CABP4: variants seen among roughly 807,000 people sequenced by gnomAD.
CABP4 encodes calcium-binding protein 4.
A neutral mutation model predicts 30.7 loss-of-function variants in CABP4; 30 were observed. The observed-to-expected ratio is 0.98, with a 90% confidence interval of 0.73 to 1.33. The LOEUF (loss-of-function observed/expected upper bound fraction) is 1.33. Among genes scored for constraint, CABP4 ranks in the 40% most tolerant of loss-of-function variants. The pLI is 0.00. For synonymous variants in CABP4, 161 were observed against 159.2 expected, an observed-to-expected ratio of 1.01 and a Z score of -0.08; for missense variants, 424 against 395.5, an observed-to-expected ratio of 1.07 and a Z score of -0.61.
In CABP4 at chr11:67,455,630, C is replaced by T. The variant is rs1168807103; in HGVS notation, c.207C>T (p.Ser69=). 1.2e-6 allele frequency: 2 copies of T among 1,609,272 alleles called. No individual in the cohort carries two copies. The highest frequency in any genetic ancestry group is 1.7e-5 in the Admixed American group (1 of 59,690). Residue 69 remains serine (S), a synonymous_variant, in exon 1 of 6, where the codon AGC becomes AGT. Coordinates refer to ENST00000325656, the MANE Select transcript of CABP4 (RefSeq NM_145200.5). ...AGACAGGCCCCGAGGCCCCGGGGAG[C>T]AGCAATAACCCTCCCAGCACTGGAG... ...GEQTGPEAPG[S]SNNPPSTGEG...
chr11:67,454,664 G>T (rs913307389), upstream of CABP4, among the ~76,000 whole-genome samples: 1 of 152,188 alleles, frequency 6.6e-6, no homozygotes, highest in African/African-American at 2.4e-5. Flanking sequence ...GGGGCTGCTT[G>T]CTGGGAAACC....
At position 67,456,443 on chromosome 11, in the gene CABP4, G is replaced by C; in HGVS notation, c.541+1G>C. 6.2e-7 allele frequency: 1 copy of C among 1,610,352 alleles called. No individual in the cohort carries two copies. Among genetic ancestry groups the C allele is most frequent in the Non-Finnish European group, 8.5e-7 (1 of 1,179,958 alleles). On this transcript the variant is annotated splice_donor_variant, in intron 3 of 5. Transcript: ENST00000325656. LOFTEE classifies it high-confidence loss of function. ...GTCTCGCAGCACATCAAGATGCGCAGTCAGTCAGGGAGCCCGCCCGCCCGG... is the reference window on the plus strand; with the variant it reads ...GTCTCGCAGCACATCAAGATGCGCACTCAGTCAGGGAGCCCGCCCGCCCGG...
In CABP4 at chr11:67,455,765, C is replaced by T. The variant is rs1441335203; in HGVS notation, c.342C>T (p.Pro114=). 3 of 1,585,910 alleles carry T rather than the reference C, an allele frequency of 1.9e-6. No individual in the cohort carries two copies. In the African/African-American group the frequency reaches 4.0e-5, roughly 21 times the overall value. Residue 114 remains proline, a synonymous_variant, in exon 1 of 6, where the codon CCC becomes CCT. Coordinates refer to ENST00000325656, the MANE Select transcript of CABP4 (RefSeq NM_145200.5). The part of the protein sequence containing the change: ...LHDAAQRTYG[P]LLNRVFGKDR... ...ACGCTGCTCAGAGGACATACGGGCC[C>T]CTGCTCAATCGAGTCTTCGGGAAGG...
chr11:67,457,525 T>G, intron 3 of CABP4, 48 bp from the exon 4 acceptor site: 1 of 1,509,698 alleles, frequency 6.6e-7, no homozygotes, highest in Non-Finnish European at 9.0e-7. Flanking sequence ...CTCCTTGGGC[T>G]TCAGACCTTA....
chr11:67,452,830 G>T, upstream of CABP4: 1 of 881,492 alleles, frequency 1.1e-6, no homozygotes, highest in Non-Finnish European at 1.7e-6. Flanking sequence ...CTCCAGGCAA[G>T]TCACCATCCC....
In CABP4 at chr11:67,455,528, C is replaced by T. The variant is rs1864737028; in HGVS notation, c.105C>T (p.Pro35=). ...CTCCCAAGAGTGATGCAGAGGAGCC[C>T]CCGTTGACCAGGAAGAGGAGCAAGA... ...VVTPKSDAEE[P]PLTRKRSKKE... is the part of the protein sequence containing the mutation. The change falls in exon 1 of 6, where the codon CCC becomes CCT. Residue 35 remains proline, a synonymous_variant. Transcript: ENST00000325656. The T allele has an allele frequency of 3.7e-6, 6 of 1,603,448 alleles. No homozygotes were observed. Among genetic ancestry groups the T allele is most frequent in the Non-Finnish European group, 5.1e-6 (6 of 1,176,258 alleles).
intron 4 of CABP4, 92 bp from the exon 5 acceptor site, chr11:67,458,279 T>A (rs1036064254): frequency 1.9e-5 from 18 of 959,768 alleles, no homozygotes; most frequent in Non-Finnish European, 1.3e-5. Context: ...TAAAAATAAA[T>A]AAAATAAAAT....
chr11:67,455,780 C>CT lies in CABP4; in HGVS notation c.359dup (p.Gly121ArgfsTer22). Reference sequence around the variant, plus strand: ...CATACGGGCCCCTGCTCAATCGAGTCTTCGGGAAGGTTAGGTGGGACCTGG... The same window carrying CT: ...CATACGGGCCCCTGCTCAATCGAGTCTTTCGGGAAGGTTAGGTGGGACCTGG... On this transcript the variant is annotated frameshift_variant, in exon 1 of 6. Transcript: ENST00000325656. LOFTEE classifies it high-confidence loss of function. 6.3e-7 allele frequency: 1 copy of CT among 1,574,810 alleles called. No homozygotes were observed. The highest frequency in any genetic ancestry group is 8.6e-7 in the Non-Finnish European group (1 of 1,161,012).
chr11:67,456,473 C>T, intron 3 of CABP4, 31 bp downstream of exon 3: 2 of 1,603,884 alleles, frequency 1.2e-6, no homozygotes, highest in Non-Finnish European at 8.5e-7. Flanking sequence ...GCCCGGGCAG[C>T]CTGCGTAGTT....
Position 67,456,376 on chromosome 11 carries a change from C to A in CABP4, c.475C>A (p.Arg159=), listed in dbSNP as rs771461850. The change falls in exon 3 of 6, where the codon CGG becomes AGG. Residue 159 remains arginine, a synonymous_variant. Transcript: ENST00000325656. ...ISHRELGDCM[R]TLGYMPTEME... Reference sequence around the variant, plus strand: ...CCACCGGGAGCTGGGTGACTGCATGCGGACCCTGGGCTACATGCCCACCGA... The same window carrying A: ...CCACCGGGAGCTGGGTGACTGCATGAGGACCCTGGGCTACATGCCCACCGA... 1 of 1,610,930 alleles carries A rather than the reference C, an allele frequency of 6.2e-7. No individual in the cohort carries two copies. The highest frequency in any genetic ancestry group is 8.5e-7 in the Non-Finnish European group (1 of 1,179,206).
Position 67,455,653 on chromosome 11 carries a change from G to C in CABP4, c.230G>C (p.Gly77Ala), listed in dbSNP as rs748865845. 9.3e-6 allele frequency: 15 copies of C among 1,610,408 alleles called. No individual in the cohort carries two copies. The highest frequency in any genetic ancestry group is 8.4e-5 in the Admixed American group (5 of 59,866). The change falls in exon 1 of 6, where the codon GGA (glycine) becomes GCA (alanine). Residue 77 changes from glycine (G) to alanine (A), a missense_variant. Physicochemically the swap from Gly to Ala is moderately conservative, Grantham distance 60. Coordinates refer to ENST00000325656, the MANE Select transcript of CABP4 (RefSeq NM_145200.5). The part of the protein sequence containing the change: ...PGSSNNPPST[G>A]EGPAGAPPAS... Reference sequence around the variant, plus strand: ...AGCAGCAATAACCCTCCCAGCACTGGAGAGGGGCCGGCGGGCGCACCCCCT... The same window carrying C: ...AGCAGCAATAACCCTCCCAGCACTGCAGAGGGGCCGGCGGGCGCACCCCCT...
chr11:67,454,574 C>G (rs1384232567), upstream of CABP4, among the ~76,000 whole-genome samples: 1 of 152,224 alleles, frequency 6.6e-6, no homozygotes, highest in Non-Finnish European at 1.5e-5. Context: ...CCGGCCCTCA[C>G]TGGGGCCTGC....
At chr11:67,454,559 TC>T (rs1174282070), upstream of CABP4, among the ~76,000 whole-genome samples, 3 of 151,936 alleles carry the variant, frequency 2.0e-5, no homozygotes, top group Admixed American at 1.3e-4. Context: ...ACTCCAGCTG[TC>T]CCCCCGGCCC....
In CABP4 at chr11:67,457,643, C is replaced by T. The variant is rs1273391494; in HGVS notation, c.612C>T (p.His204=). The change falls in exon 4 of 6, where the codon CAC becomes CAT. Residue 204 remains histidine (H), a synonymous_variant. Coordinates refer to ENST00000325656, the MANE Select transcript of CABP4 (RefSeq NM_145200.5). ...IGPKLREETA[H]MLGVRELRIA... is the part of the protein sequence containing the mutation. ...CAAAGCTGAGGGAGGAGACGGCGCA[C>T]ATGCTGGGGGTGCGAGAGCTGCGCA... 3 of 1,604,878 alleles carry T rather than the reference C, an allele frequency of 1.9e-6. No individual in the cohort carries two copies. Among genetic ancestry groups the T allele is most frequent in the South Asian group, 1.1e-5 (1 of 89,190 alleles).
upstream of CABP4, chr11:67,452,602 G>A (rs1350137166): frequency 1.9e-6 from 3 of 1,612,944 alleles, no homozygotes; most frequent in South Asian, 1.1e-5. Context: ...GCAGCCCAAG[G>A]AGCAGCAGGG....
In CABP4 at chr11:67,461,337, C is replaced by T. The variant is rs1242931128; in HGVS notation, c.*2678C>T. 6.6e-6 allele frequency among the ~76,000 whole-genome samples: 1 copy of T among 152,126 alleles called. No homozygotes were observed. The highest frequency in any genetic ancestry group is 1.5e-5 in the Non-Finnish European group (1 of 68,022). ...TTGGGAGTCTCAGACGGAGGACATACATAGAGAATGAACAAGAAGCAATAA... is the reference window on the plus strand; with the variant it reads ...TTGGGAGTCTCAGACGGAGGACATATATAGAGAATGAACAAGAAGCAATAA... On this transcript the variant is annotated 3_prime_UTR_variant, in exon 6 of 6. Coordinates refer to ENST00000325656, the MANE Select transcript of CABP4 (RefSeq NM_145200.5).
Position 67,461,423 on chromosome 11 carries a change from T to C in CABP4, c.*2764T>C, listed in dbSNP as rs961883626. Among the ~76,000 whole-genome samples, 4 of 152,172 alleles carry C rather than the reference T, an allele frequency of 2.6e-5. No individual in the cohort carries two copies. The highest frequency in any genetic ancestry group is 7.2e-5 in the African/African-American group (3 of 41,434). ...CTTCCACAGACTTCAACTCCCCAGA[T>C]TGAAGGAACAAACTGAAGTCAGAGT... On this transcript the variant is annotated 3_prime_UTR_variant, in exon 6 of 6. Transcript: ENST00000325656.
chr11:67,458,900 C>T lies in CABP4; in HGVS notation c.*241C>T. On this transcript the variant is annotated 3_prime_UTR_variant, in exon 6 of 6. Transcript: ENST00000325656. The stretch of plus-strand genomic sequence containing the variant: ...CTGCTCTCAGCTGCCCACCGTTCCT[C>T]AGTGTGAGCAAGATTTGGGTCTCTC... 1 of 598,538 alleles carries T rather than the reference C, an allele frequency of 1.7e-6. No individual in the cohort carries two copies. The highest frequency in any genetic ancestry group is 1.9e-5 in the South Asian group (1 of 53,004). 37.1% of individuals were successfully genotyped at this position (598,538 alleles called of 1,614,324 possible).
chr11:67,455,010 T>G (rs1355452559), upstream of CABP4, among the ~76,000 whole-genome samples: 1 of 152,228 alleles, frequency 6.6e-6, no homozygotes, highest in Non-Finnish European at 1.5e-5. Flanking sequence ...TGGTCCTCTC[T>G]GCCTAACGAA....
Sources: allele counts gnomAD v4.1 joint callset (sites outside exome capture counted in the v4.1 genomes callset), GRCh38; gene constraint gnomAD v4.1.1; transcripts MANE v1.5; gene names NCBI Gene and HGNC (gene_info 2026-07-23, HGNC 2026-07-21).